The following WDPCP variants were observed in gnomAD, a reference collection of about 807,000 sequenced individuals.
WDPCP encodes WD repeat-containing and planar cell polarity effector protein fritz homolog.
Under a neutral mutation model 93.1 loss-of-function variants are expected in WDPCP, and 71 were observed. The observed-to-expected ratio is 0.76, with a 90% confidence interval of 0.63 to 0.93. WDPCP has a LOEUF of 0.93. Ranked by LOEUF, WDPCP falls within the 40% of genes least tolerant of loss-of-function variation. The pLI is 0.00. For missense variants in WDPCP, 844 were observed against 887.4 expected (o/e 0.95, Z 0.62); for synonymous variants, 315 against 315.0 (o/e 1.00, Z 0.00).
intron 1 of WDPCP, among the ~76,000 whole-genome samples, chr2:63,494,982 TG>T (rs1012230663): frequency 7.0e-6 from 1 of 143,158 alleles, no homozygotes; most frequent in Non-Finnish European, 1.5e-5. Context: ...AAGTGCACAG[TG>T]GATAGTGATA....
At chr2:63,783,762 T>C (rs1670430730) in intron 2 of WDPCP, among the ~76,000 whole-genome samples, 1 of 152,152 alleles carries the variant, frequency 6.6e-6, no homozygotes, top group Non-Finnish European at 1.5e-5. Context: ...CATTGGTGGC[T>C]TGGAAGGGTG....
At chr2:63,266,830 TA>T (rs1050583587) in intron 13 of WDPCP, among the ~76,000 whole-genome samples, 1 of 151,892 alleles carries the variant, frequency 6.6e-6, no homozygotes, top group Non-Finnish European at 1.5e-5. Flanking sequence ...TCAATAAAAT[TA>T]AAAAATAAAT....
intron 3 of WDPCP, among the ~76,000 whole-genome samples, chr2:63,616,373 G>T (rs1037969412): frequency 1.3e-5 from 2 of 152,264 alleles, no homozygotes; most frequent in Non-Finnish European, 2.9e-5. Context: ...AACAAACTGG[G>T]GGAATTAAGG....
intron 1 of WDPCP, among the ~76,000 whole-genome samples, chr2:63,814,480 C>A (rs968121427): frequency 1.3e-5 from 2 of 152,082 alleles, no homozygotes; most frequent in African/African-American, 4.8e-5. Context: ...ACAGAGATAC[C>A]AATCCAGAGC....
intron 13 of WDPCP, among the ~76,000 whole-genome samples, chr2:63,308,042 G>A (rs2103869086): frequency 6.6e-6 from 1 of 151,938 alleles, no homozygotes; most frequent in African/African-American, 2.4e-5. Flanking sequence ...TTAAACAAAT[G>A]TACAAGAAAA....
At chr2:63,643,909 A>G (rs1049642333) in intron 3 of WDPCP, 1 of 516,350 alleles carries the variant, frequency 1.9e-6, no homozygotes, top group African/African-American at 1.9e-5. Flanking sequence ...TCCTTAGGAA[A>G]ATGATGACAG....
At chr2:63,726,851 A>G (rs1669502804) in intron 2 of WDPCP, among the ~76,000 whole-genome samples, 1 of 152,132 alleles carries the variant, frequency 6.6e-6, no homozygotes, top group South Asian at 2.1e-4. Context: ...CTCAGCTTGA[A>G]TGTTATTGAT....
intron 2 of WDPCP, among the ~76,000 whole-genome samples, chr2:63,718,717 G>A (rs1235816782): frequency 6.6e-6 from 1 of 151,906 alleles, no homozygotes; most frequent in Admixed American, 6.6e-5. Flanking sequence ...TTACTTTATG[G>A]ATCATTTCTT....
intron 2 of WDPCP, among the ~76,000 whole-genome samples, chr2:63,663,548 A>T (rs1409463353): frequency 6.6e-6 from 1 of 152,220 alleles, no homozygotes; most frequent in Non-Finnish European, 1.5e-5. Flanking sequence ...ATTGCAGATT[A>T]TAGATGAGAT....
intron 6 of WDPCP, among the ~76,000 whole-genome samples, chr2:63,458,177 C>T (rs149633630): frequency 1.7e-3 from 252 of 149,428 alleles, no homozygotes; most frequent in African/African-American, 5.8e-3. Context: ...CCCACTTTCA[C>T]CATTCCTAAT....
At chr2:63,271,564 C>G (rs1005436594) in intron 13 of WDPCP, among the ~76,000 whole-genome samples, 1 of 152,222 alleles carries the variant, frequency 6.6e-6, no homozygotes. Flanking sequence ...CCATCACTGT[C>G]ACTGGTGCCT....
At chr2:63,782,455 C>A (rs1037927415) in intron 2 of WDPCP, among the ~76,000 whole-genome samples, 7 of 152,032 alleles carry the variant, frequency 4.6e-5, no homozygotes, top group Non-Finnish European at 1.0e-4. Context: ...AGGAACTCAA[C>A]AACAACAGCA....
intron 13 of WDPCP, among the ~76,000 whole-genome samples, chr2:63,278,873 A>T (rs1345078826): frequency 6.6e-6 from 1 of 152,212 alleles, no homozygotes; most frequent in Non-Finnish European, 1.5e-5. Context: ...TTTTGTGTGT[A>T]AACTAGAAAA....
intron 15 of WDPCP, among the ~76,000 whole-genome samples, chr2:63,173,438 C>G (rs1302326781): frequency 6.6e-6 from 1 of 152,106 alleles, no homozygotes; most frequent in Non-Finnish European, 1.5e-5. Context: ...ATTTTACTGA[C>G]AATAGTTTGC....
At chr2:63,541,989 T>C (rs1334352579) in intron 1 of WDPCP, among the ~76,000 whole-genome samples, 1 of 151,856 alleles carries the variant, frequency 6.6e-6, no homozygotes, top group Non-Finnish European at 1.5e-5. Flanking sequence ...TATATGTTTA[T>C]ATATTAATTC....
chr2:63,416,541 T>C (rs1695440827), intron 9 of WDPCP, among the ~76,000 whole-genome samples: 1 of 151,634 alleles, frequency 6.6e-6, no homozygotes, highest in Admixed American at 6.6e-5. Flanking sequence ...TTTTTTTTTT[T>C]GAGACGGAGT....
chr2:63,152,635 G>A (rs558377745), intron 17 of WDPCP, among the ~76,000 whole-genome samples: 3 of 152,242 alleles, frequency 2.0e-5, no homozygotes, highest in African/African-American at 7.2e-5. Context: ...ATCATTTTGA[G>A]TCAACTTGAA....
chr2:63,786,808 T>C (rs1670472405), intron 2 of WDPCP, among the ~76,000 whole-genome samples: 1 of 152,198 alleles, frequency 6.6e-6, no homozygotes, highest in African/African-American at 2.4e-5. Context: ...TCAAGAGATA[T>C]AAAATTGAAC....
chr2:63,765,508 G>C (rs1670125168), intron 2 of WDPCP, among the ~76,000 whole-genome samples: 1 of 152,212 alleles, frequency 6.6e-6, no homozygotes, highest in Non-Finnish European at 1.5e-5. Context: ...TGTGGGGTAT[G>C]AATTGAACTG....
Sources: allele counts gnomAD v4.1 joint callset (sites outside exome capture counted in the v4.1 genomes callset), GRCh38; gene constraint gnomAD v4.1.1; transcripts MANE v1.5; gene names NCBI Gene and HGNC (gene_info 2026-07-23, HGNC 2026-07-21).